DHX57: variants seen among roughly 807,000 people sequenced by gnomAD.
The protein encoded by DHX57 is putative ATP-dependent RNA helicase DHX57.
DHX57 carries 105 observed loss-of-function variants against 156.2 expected under a neutral mutation model. The observed-to-expected ratio is 0.67, with a 90% confidence interval of 0.57 to 0.79. The LOEUF (loss-of-function observed/expected upper bound fraction) is 0.79. DHX57 is among the 30% of genes least tolerant of loss of function. DHX57 has a pLI of 0.00. For synonymous variants in DHX57, 704 were observed against 595.6 expected (o/e 1.18, Z -2.65); for missense variants, 1,847 against 1,661.9 (o/e 1.11, Z -1.94).
At chr2:38,799,004 A>G (rs190599962) in intron 23 of DHX57, among the ~76,000 whole-genome samples, 275 of 152,188 alleles carry the variant, frequency 1.8e-3, no homozygotes, top group Middle Eastern at 3.4e-3. Flanking sequence ...AGTGTTCTCC[A>G]TATTAAAGTT....
At chr2:38,827,133 AAAAAT>A (rs55993145) in intron 14 of DHX57, among the ~76,000 whole-genome samples, 28 of 147,434 alleles carry the variant, frequency 1.9e-4, no homozygotes, top group South Asian at 8.8e-4. Flanking sequence ...CTCCGTCTCG[AAAAAT>A]AAAATAAAAT....
intron 12 of DHX57, chr2:38,838,836 C>T: frequency 2.2e-6 from 1 of 453,426 alleles, no homozygotes; most frequent in South Asian, 1.6e-5. Flanking sequence ...CATAGACCCT[C>T]ACAATCTCCC....
chr2:38,811,033 G>T, intron 21 of DHX57: 1 of 681,246 alleles, frequency 1.5e-6, no homozygotes, highest in Non-Finnish European at 2.7e-6. Flanking sequence ...TGGGGGCTTT[G>T]GCCAGGTCCT....
chr2:38,799,200 A>T (rs1463986868), intron 23 of DHX57, among the ~76,000 whole-genome samples: 3 of 150,876 alleles, frequency 2.0e-5, no homozygotes, highest in Admixed American at 1.3e-4. Flanking sequence ...CCCGTCTCTT[A>T]GTACTAAAAG....
rs1305475168 is a variant in DHX57 at position 38,818,887 on chromosome 2, C to G, written c.3461G>C (p.Arg1154Thr). 7.4e-6 allele frequency: 12 copies of G among 1,614,208 alleles called. No homozygotes were observed. Among genetic ancestry groups the G allele is most frequent in the Admixed American group, 3.3e-5 (2 of 60,020 alleles). Residue 1154 changes from arginine (R) to threonine (T), a missense_variant, in exon 19 of 24, where the codon AGA becomes ACA. Transcript: ENST00000457308. ...ACAGACACAACTCACCTGCAGAACT[C>G]TTCCAGACAAGAAGTTTTGTCTGCA... ...NYCRQNFLSG[R>T]VLQEMASLKR...
chr2:38,826,143 T>A, intron 15 of DHX57, 96 bp from the exon 16 acceptor site: 1 of 1,267,098 alleles, frequency 7.9e-7, no homozygotes, highest in Non-Finnish European at 1.1e-6. Context: ...CTTCCTCCTG[T>A]AGAGGGACAC....
intron 6 of DHX57, among the ~76,000 whole-genome samples, chr2:38,857,534 T>C (rs1672962661): frequency 6.6e-6 from 1 of 152,230 alleles, no homozygotes; most frequent in African/African-American, 2.4e-5. Flanking sequence ...GCAATTTATA[T>C]ACATTGTGAT....
chr2:38,801,435 A>T (rs966348215), intron 23 of DHX57, among the ~76,000 whole-genome samples: 1 of 152,032 alleles, frequency 6.6e-6, no homozygotes, highest in Non-Finnish European at 1.5e-5. Flanking sequence ...TTTGAGACGG[A>T]GTCTCATTCT....
intron 6 of DHX57, 88 bp from the exon 7 acceptor site, chr2:38,856,549 G>A (rs1413217850): frequency 1.0e-5 from 15 of 1,474,852 alleles, no homozygotes; most frequent in Non-Finnish European, 1.3e-5. Context: ...CTGTTGCCAG[G>A]CTGGAGTGCA....
chr2:38,850,239 G>A (rs895122597), intron 9 of DHX57, among the ~76,000 whole-genome samples: 2 of 152,114 alleles, frequency 1.3e-5, no homozygotes, highest in Non-Finnish European at 2.9e-5. Flanking sequence ...AACTGAGAGT[G>A]GTTTGGGAGT....
At chr2:38,836,201 A>G (rs1454109228) in intron 13 of DHX57, among the ~76,000 whole-genome samples, 3 of 152,180 alleles carry the variant, frequency 2.0e-5, no homozygotes, top group African/African-American at 7.2e-5. Context: ...TAGAGAAATG[A>G]AAGAGCAAAG....
chr2:38,811,006 G>A, intron 21 of DHX57: 1 of 744,850 alleles, frequency 1.3e-6, no homozygotes, highest in Non-Finnish European at 2.4e-6. Flanking sequence ...ACTCAGTCTT[G>A]AAAATGTTGG....
At chr2:38,819,377 T>C (rs1025670477) in intron 17 of DHX57, among the ~76,000 whole-genome samples, 3 of 152,172 alleles carry the variant, frequency 2.0e-5, no homozygotes, top group African/African-American at 7.2e-5. Flanking sequence ...AGTCTCACCA[T>C]GTTGTGCAGG....
chr2:38,829,805 A>C (rs1671289803), intron 13 of DHX57, among the ~76,000 whole-genome samples: 1 of 152,120 alleles, frequency 6.6e-6, no homozygotes, highest in South Asian at 2.1e-4. Flanking sequence ...ATCCATAAAC[A>C]TTTTACTGGA....
Position 38,848,403 on chromosome 2 carries a change from C to A in DHX57, c.2031-1G>T. On this transcript the variant is annotated splice_acceptor_variant, in intron 9 of 23. Coordinates refer to ENST00000457308, the MANE Select transcript of DHX57 (RefSeq NM_198963.3). LOFTEE classifies it high-confidence loss of function. Reference sequence around the variant, plus strand: ...CTTCAAAACTAGCAGCAAGAAGTCACTAGAGAAAATAAAAGAAACACCTGA... The same window carrying A: ...CTTCAAAACTAGCAGCAAGAAGTCAATAGAGAAAATAAAAGAAACACCTGA... 1 of 1,583,918 alleles carries A rather than the reference C, an allele frequency of 6.3e-7. No homozygotes were observed. Among genetic ancestry groups the A allele is most frequent in the Non-Finnish European group, 8.5e-7 (1 of 1,170,316 alleles).
At chr2:38,851,612 C>A (rs1444129460) in intron 9 of DHX57, among the ~76,000 whole-genome samples, 5 of 152,036 alleles carry the variant, frequency 3.3e-5, no homozygotes, top group African/African-American at 7.2e-5. Context: ...CGTTCATATT[C>A]TACAGATCCT....
chr2:38,868,128 A>G, intron 2 of DHX57, 54 bp downstream of exon 2: 2 of 1,590,206 alleles, frequency 1.3e-6, no homozygotes, highest in South Asian at 1.1e-5. Flanking sequence ...GTTGTCCCAT[A>G]CATTAGGGGT....
rs1669470813 is a variant in DHX57 at position 38,798,016 on chromosome 2, A to C, written c.*283T>G. ...ATTATACATTCACTTTTGAGTTATC[A>C]GGTGAACTTAATTCACTCCAGAACA... On this transcript the variant is annotated 3_prime_UTR_variant, in exon 24 of 24. Coordinates refer to ENST00000457308, the MANE Select transcript of DHX57 (RefSeq NM_198963.3). 3.2e-6 allele frequency: 1 copy of C among 309,092 alleles called. No homozygotes were observed. Among genetic ancestry groups the C allele is most frequent in the South Asian group, 1.3e-4 (1 of 7,986 alleles). The allele number at this position is 309,092 out of a possible 1,614,324, so 19.1% of individuals were successfully genotyped here. A position where few individuals can be genotyped will look rare whatever the true frequency, so the allele number is the denominator to read the frequency against.
intron 1 of DHX57, among the ~76,000 whole-genome samples, 167 bp from the exon 2 acceptor site, chr2:38,868,578 T>A (rs1255079514): frequency 6.6e-6 from 1 of 152,074 alleles, no homozygotes; most frequent in Non-Finnish European, 1.5e-5. Flanking sequence ...AGTGAAAAAA[T>A]TTTAAAACTA....
Sources: gnomAD v4.1 joint callset for allele counts (sites outside exome capture counted in the v4.1 genomes callset) on GRCh38, gnomAD v4.1.1 for gene constraint, MANE v1.5 for transcripts, NCBI Gene and HGNC (gene_info 2026-07-23, HGNC 2026-07-21) for gene names.